Variants in GRIN2A observed in about 807,000 individuals in gnomAD.
The protein encoded by GRIN2A is glutamate receptor ionotropic, NMDA 2A.
GRIN2A carries 22 observed loss-of-function variants against 113.4 expected under a neutral mutation model. The ratio of observed to expected loss-of-function variants is 0.19; its 90% confidence interval spans 0.14 to 0.28. The LOEUF is 0.28. Among genes scored for constraint, GRIN2A ranks in the 10% least tolerant of loss-of-function variants. The pLI is 1.00. For missense variants in GRIN2A, 1,502 were observed against 1,887.0 expected, an observed-to-expected ratio of 0.80 and a Z score of 3.78; for synonymous variants, 827 against 738.4, an observed-to-expected ratio of 1.12 and a Z score of -1.94.
In GRIN2A at chr16:10,011,022, G is replaced by T. The variant is rs192985191; in HGVS notation, c.415-72471C>A. On this transcript the variant is annotated intron_variant, in intron 2 of 12. Transcript: ENST00000330684. ...ATATCCCAGTCCAACTTTTCATGGT[G>T]ACATCCAAAGTTCCCAGCCACCAAT... is the stretch of plus-strand genomic sequence containing the variant. Among the ~76,000 whole-genome samples the T allele has an allele frequency of 2.0e-5, 3 of 152,224 alleles. No individual in the cohort carries two copies. The South Asian group carries it at 6.2e-4, about 32-fold the overall frequency.
intron 3 of GRIN2A, among the ~76,000 whole-genome samples, chr16:9,933,624 A>T (rs1041301673): frequency 2.0e-5 from 3 of 152,120 alleles, no homozygotes; most frequent in Admixed American, 6.5e-5. Flanking sequence ...GAAGTGAAGA[A>T]CTCCTAACTC....
chr16:9,899,341 G>C (rs924835613), intron 3 of GRIN2A, among the ~76,000 whole-genome samples: 1 of 147,082 alleles, frequency 6.8e-6, no homozygotes, highest in Non-Finnish European at 1.5e-5. Context: ...TCATGTGGCT[G>C]AGACAGGAGA....
intron 3 of GRIN2A, among the ~76,000 whole-genome samples, chr16:9,908,163 G>T (rs1167989830): frequency 6.6e-6 from 1 of 152,202 alleles, no homozygotes; most frequent in Non-Finnish European, 1.5e-5. Flanking sequence ...TACATTAGCA[G>T]TAATAATGTT....
At chr16:9,886,706 A>G (rs1203174880) in intron 4 of GRIN2A, among the ~76,000 whole-genome samples, 1 of 152,218 alleles carries the variant, frequency 6.6e-6, no homozygotes, top group East Asian at 1.9e-4. Context: ...GAATAAAAAA[A>G]TGAATAGACG....
intron 11 of GRIN2A, among the ~76,000 whole-genome samples, chr16:9,775,055 A>C (rs948126476): frequency 3.4e-4 from 52 of 152,230 alleles, no homozygotes; most frequent in African/African-American, 1.2e-3. Flanking sequence ...TTTTATAGCA[A>C]GCAATGTGAC....
chr16:10,001,922 T>C (rs1667243672), intron 2 of GRIN2A, among the ~76,000 whole-genome samples: 1 of 152,224 alleles, frequency 6.6e-6, no homozygotes, highest in Non-Finnish European at 1.5e-5. Context: ...TAAACCAGGA[T>C]AACACCTACC....
At chr16:9,848,394 T>A (rs1263451790) in intron 5 of GRIN2A, among the ~76,000 whole-genome samples, 1 of 150,514 alleles carries the variant, frequency 6.6e-6, no homozygotes, top group African/African-American at 2.4e-5. Flanking sequence ...TTTTGTACTT[T>A]TAAGAAAGAC....
chr16:9,822,527 G>A, intron 9 of GRIN2A, 103 bp from the exon 10 acceptor site: 1 of 816,834 alleles, frequency 1.2e-6, no homozygotes, highest in South Asian at 1.4e-5. Flanking sequence ...TTTGTCTGGT[G>A]TTAGGAGGTA....
intron 2 of GRIN2A, among the ~76,000 whole-genome samples, chr16:9,959,025 A>C (rs2045370931): frequency 6.6e-6 from 1 of 152,204 alleles, no homozygotes; most frequent in African/African-American, 2.4e-5. Context: ...CTTATGCCCC[A>C]AATTTTTACA....
intron 2 of GRIN2A, among the ~76,000 whole-genome samples, chr16:10,110,658 A>C (rs973190390): frequency 6.6e-6 from 1 of 152,174 alleles, no homozygotes; most frequent in African/African-American, 2.4e-5. Context: ...AGATAAGGAG[A>C]AATCTTGTAG....
intron 10 of GRIN2A, among the ~76,000 whole-genome samples, chr16:9,804,364 A>G (rs2041924826): frequency 6.6e-6 from 1 of 152,110 alleles, no homozygotes; most frequent in Admixed American, 6.5e-5. Context: ...CTTAGAACCA[A>G]GAGCATCCAA....
intron 10 of GRIN2A, among the ~76,000 whole-genome samples, chr16:9,820,328 A>G (rs546597373): frequency 6.6e-6 from 1 of 152,380 alleles, no homozygotes; most frequent in African/African-American, 2.4e-5. Context: ...CACAATGGAA[A>G]CAAACAAAAA....
intron 2 of GRIN2A, among the ~76,000 whole-genome samples, chr16:9,994,737 C>G (rs57468434): frequency 0.01 from 1,583 of 152,314 alleles, 23 homozygotes; most frequent in African/African-American, 0.036. Context: ...TGCGTCACCA[C>G]AGCATGGAAA....
intron 2 of GRIN2A, among the ~76,000 whole-genome samples, chr16:10,004,422 T>TA (rs1335339458): frequency 1.3e-5 from 2 of 152,122 alleles, no homozygotes; most frequent in Non-Finnish European, 2.9e-5. Flanking sequence ...GGATGTTTCT[T>TA]ACGGCTGCTG....
intron 2 of GRIN2A, among the ~76,000 whole-genome samples, chr16:10,025,969 A>G (rs1180806114): frequency 6.6e-6 from 1 of 152,220 alleles, no homozygotes; most frequent in African/African-American, 2.4e-5. Flanking sequence ...CTTCGTAGCC[A>G]GGGTCCTGGA....
At chr16:10,007,005 T>C (rs139958362) in intron 2 of GRIN2A, among the ~76,000 whole-genome samples, 13,990 of 152,302 alleles carry the variant, frequency 0.092, 727 homozygotes, top group Non-Finnish European at 0.11. Context: ...TGTGTATATG[T>C]ACCACATTTT....
chr16:9,997,815 GGCAGTTCCCTT>G (rs1440708829), intron 2 of GRIN2A, among the ~76,000 whole-genome samples: 84 of 152,220 alleles, frequency 5.5e-4, no homozygotes, highest in African/African-American at 1.8e-3. Context: ...TTTTATAAAG[GGCAGTTCCCTT>G]GCACATGCTC....
intron 2 of GRIN2A, among the ~76,000 whole-genome samples, chr16:9,951,684 G>C (rs7199933): frequency 0.013 from 2,041 of 152,222 alleles, 36 homozygotes; most frequent in African/African-American, 0.047. Flanking sequence ...ATGATGGTTT[G>C]TTTTTTTCTC....
chr16:10,171,256 C>T (rs576228106), intron 2 of GRIN2A, among the ~76,000 whole-genome samples: 3 of 152,330 alleles, frequency 2.0e-5, no homozygotes, highest in East Asian at 1.9e-4. Flanking sequence ...CTCCCAGATC[C>T]TTTATTTCCT....
Sources: gnomAD v4.1 joint callset for allele counts (sites outside exome capture counted in the v4.1 genomes callset) on GRCh38, gnomAD v4.1.1 for gene constraint, MANE v1.5 for transcripts, NCBI Gene and HGNC (gene_info 2026-07-23, HGNC 2026-07-21) for gene names.